The following CDK6 variants were observed in gnomAD, a reference collection of about 807,000 sequenced individuals.
The protein encoded by CDK6 is cyclin dependent kinase 6.
CDK6 carries 6 observed loss-of-function variants against 37.1 expected under a neutral mutation model. The observed-to-expected ratio is 0.16, with a 90% CI of 0.09 to 0.32. CDK6 has a LOEUF of 0.32. CDK6 is among the 10% of genes least tolerant of loss of function. The pLI is 1.00. For missense variants in CDK6, 224 were observed against 418.9 expected (o/e 0.53, Z 4.06); for synonymous variants, 160 against 161.3 (o/e 0.99, Z 0.06).
chr7:92,627,978 G>C (rs995269507), intron 5 of CDK6, among the ~76,000 whole-genome samples: 1 of 151,836 alleles, frequency 6.6e-6, no homozygotes, highest in African/African-American at 2.4e-5. Flanking sequence ...TATATGAAAG[G>C]CTTTAAGCAT....
intron 4 of CDK6, among the ~76,000 whole-genome samples, chr7:92,687,076 T>C (rs932818694): frequency 3.4e-4 from 52 of 152,328 alleles, no homozygotes; most frequent in African/African-American, 1.1e-3. Flanking sequence ...TAAATCACTA[T>C]TGTAGATACT....
In CDK6 at chr7:92,690,125, T is replaced by C. The variant is rs549592419; in HGVS notation, c.538-18590A>G. 1.6e-3 allele frequency among the ~76,000 whole-genome samples: 242 copies of C among 152,314 alleles called. 1 individual carries two copies. Among genetic ancestry groups the C allele is most frequent in the African/African-American group, 5.4e-3 (225 of 41,572 alleles). ...TTTGCTGTGCAGAAGCTCTTTAGTT[T>C]AGTTAACTTCCGTTTGTCCATTTTT... On this transcript the variant is annotated intron_variant, in intron 4 of 7. Coordinates refer to ENST00000424848, the MANE Select transcript of CDK6 (RefSeq NM_001145306.2).
chr7:92,661,603 A>G (rs1796836624), intron 5 of CDK6, among the ~76,000 whole-genome samples: 1 of 152,230 alleles, frequency 6.6e-6, no homozygotes, highest in South Asian at 2.1e-4. Flanking sequence ...TATATTTACT[A>G]TTCATTAAGA....
chr7:92,793,537 T>A (rs2115866808), intron 2 of CDK6, among the ~76,000 whole-genome samples: 1 of 152,256 alleles, frequency 6.6e-6, no homozygotes, highest in African/African-American at 2.4e-5. Context: ...CTGGGATAAC[T>A]GGATACCTAC....
chr7:92,630,620 C>G (rs1158308271), intron 5 of CDK6, among the ~76,000 whole-genome samples: 2 of 152,068 alleles, frequency 1.3e-5, no homozygotes, highest in East Asian at 3.9e-4. Context: ...GATATGGTAC[C>G]CCCATGGAAT....
At chr7:92,830,974 G>A (rs1801463579) in intron 2 of CDK6, among the ~76,000 whole-genome samples, 2 of 152,198 alleles carry the variant, frequency 1.3e-5, no homozygotes, top group Admixed American at 1.3e-4. Flanking sequence ...CTGCTGAAAC[G>A]CAAACAATCC....
rs1795569956 is a variant in CDK6 at position 92,611,891 on chromosome 7, T to G, written c.*3249A>C. 1 of 232,496 alleles carries G rather than the reference T, an allele frequency of 4.3e-6. No homozygotes were observed. Among genetic ancestry groups the G allele is most frequent in the African/African-American group, 2.2e-5 (1 of 45,322 alleles). The allele number at this position is 232,496 out of a possible 1,614,324, so 14.4% of individuals were successfully genotyped here. On this transcript the variant is annotated 3_prime_UTR_variant, in exon 8 of 8. Coordinates refer to ENST00000424848, the MANE Select transcript of CDK6 (RefSeq NM_001145306.2). ...GTGTGTGCTTCCTGAGAGAAAATCA[T>G]GAGAATACAGGGGGCTGAAATGGCC...
Position 92,781,006 on chromosome 7 carries a change from A to C in CDK6, c.234-6175T>G, listed in dbSNP as rs1799977670. ...TGTAATCACAATGTATTGAATATGA[A>C]CAAAATATCTCAGATGACTTTTAAA... On this transcript the variant is annotated intron_variant, in intron 2 of 7. Coordinates refer to ENST00000424848, the MANE Select transcript of CDK6 (RefSeq NM_001145306.2). Among the ~76,000 whole-genome samples the C allele has an allele frequency of 2.0e-5, 3 of 152,224 alleles. No individual in the cohort carries two copies. In the South Asian group the frequency reaches 6.2e-4, roughly 31 times the overall value.
chr7:92,660,473 T>C (rs1039055910), intron 5 of CDK6, among the ~76,000 whole-genome samples: 1 of 152,150 alleles, frequency 6.6e-6, no homozygotes, highest in African/African-American at 2.4e-5. Context: ...GAATAATATA[T>C]GCAATGGCCA....
intron 4 of CDK6, among the ~76,000 whole-genome samples, chr7:92,706,106 C>T (rs904631239): frequency 5.9e-5 from 9 of 152,232 alleles, no homozygotes; most frequent in African/African-American, 2.2e-4. Context: ...ATCCATAGTA[C>T]AATGAGTCAC....
chr7:92,705,034 T>A (rs1797936097), intron 4 of CDK6, among the ~76,000 whole-genome samples: 1 of 152,342 alleles, frequency 6.6e-6, no homozygotes, highest in South Asian at 2.1e-4. Flanking sequence ...TCTAACATTC[T>A]TTGCCATCGA....
chr7:92,626,298 A>G (rs1282204763), intron 5 of CDK6, among the ~76,000 whole-genome samples: 2 of 152,132 alleles, frequency 1.3e-5, no homozygotes, highest in Non-Finnish European at 2.9e-5. Context: ...CATATGATAT[A>G]CATATAATAT....
chr7:92,757,073 C>T (rs1429546398), intron 3 of CDK6, among the ~76,000 whole-genome samples: 2 of 152,138 alleles, frequency 1.3e-5, no homozygotes, highest in Admixed American at 6.5e-5. Flanking sequence ...TAATGCAACC[C>T]GAGCCTTTTA....
intron 4 of CDK6, among the ~76,000 whole-genome samples, chr7:92,708,554 G>T (rs903725148): frequency 2.0e-5 from 3 of 152,108 alleles, no homozygotes; most frequent in African/African-American, 7.2e-5. Context: ...CAGAAAGATA[G>T]GTGGCTAATT....
At chr7:92,803,687 G>C (rs895539831) in intron 2 of CDK6, among the ~76,000 whole-genome samples, 2 of 152,184 alleles carry the variant, frequency 1.3e-5, no homozygotes, top group African/African-American at 4.8e-5. Flanking sequence ...GCACATGTGT[G>C]ATGTGGGAAG....
At chr7:92,699,596 T>C (rs890292851) in intron 4 of CDK6, among the ~76,000 whole-genome samples, 6 of 152,242 alleles carry the variant, frequency 3.9e-5, no homozygotes, top group Admixed American at 2.0e-4. Flanking sequence ...GTAGCACTTC[T>C]CATGAGATTT....
chr7:92,791,127 A>C (rs1291321731), intron 2 of CDK6, among the ~76,000 whole-genome samples: 2 of 152,102 alleles, frequency 1.3e-5, no homozygotes, highest in East Asian at 3.9e-4. Context: ...GATTCCAGAA[A>C]TATTTAGGAG....
At chr7:92,640,249 A>G (rs150873182) in intron 5 of CDK6, among the ~76,000 whole-genome samples, 2,308 of 152,308 alleles carry the variant, frequency 0.015, 23 homozygotes, top group Middle Eastern at 0.024. Flanking sequence ...AGCCAGCATC[A>G]AAGTGCAAAT....
intron 3 of CDK6, among the ~76,000 whole-genome samples, chr7:92,733,130 T>C (rs769526858): frequency 6.6e-6 from 1 of 152,236 alleles, no homozygotes; most frequent in Admixed American, 6.5e-5. Context: ...ATAGCCACCA[T>C]GATTCACCCC....
Sources: gnomAD v4.1 joint callset for allele counts (sites outside exome capture counted in the v4.1 genomes callset) on GRCh38, gnomAD v4.1.1 for gene constraint, MANE v1.5 for transcripts, NCBI Gene and HGNC (gene_info 2026-07-23, HGNC 2026-07-21) for gene names.